The following MROH2B variants were observed in gnomAD, a reference collection of about 807,000 sequenced individuals.
MROH2B encodes the protein maestro heat-like repeat-containing protein family member 2B.
A neutral mutation model predicts 208.6 loss-of-function variants in MROH2B; 177 were observed. The observed-to-expected ratio is 0.85, with a 90% CI of 0.75 to 0.96. MROH2B has a LOEUF of 0.96. Ranked by LOEUF, MROH2B falls within the 40% of genes least tolerant of loss-of-function variation. MROH2B has a pLI of 0.00. For missense variants in MROH2B, 2,002 were observed against 1,878.7 expected (o/e 1.07, Z -1.21); for synonymous variants, 728 against 659.0 (o/e 1.10, Z -1.60).
intron 24 of MROH2B, among the ~76,000 whole-genome samples, chr5:41,020,173 A>T (rs1162862479): frequency 1.3e-5 from 2 of 152,104 alleles, no homozygotes; most frequent in African/African-American, 2.4e-5. Context: ...TCCAATTTTA[A>T]AATAATGAAT....
In MROH2B at chr5:41,038,813, G is replaced by C; in HGVS notation, c.2137C>G (p.Pro713Ala). 3 of 1,613,608 alleles carry C rather than the reference G, an allele frequency of 1.9e-6. No homozygotes were observed. The highest frequency in any genetic ancestry group is 2.5e-6 in the Non-Finnish European group (3 of 1,179,704). Residue 713 changes from proline (P) to alanine (A), a missense_variant, in exon 21 of 42, where the codon CCC (proline) becomes GCC (alanine). Coordinates refer to ENST00000399564, the MANE Select transcript of MROH2B (RefSeq NM_173489.5). The part of the protein sequence containing the change: ...VIYGAVALHA[P>A]KKQLLSRLNQ... Reference sequence around the variant, plus strand: ...AGTCTGGAGAGAAGTTGCTTCTTGGGAGCATGGAGGGCCACTGCTCCATAG... The same window carrying C: ...AGTCTGGAGAGAAGTTGCTTCTTGGCAGCATGGAGGGCCACTGCTCCATAG...
At chr5:41,006,958 C>G (rs1407455266) in intron 34 of MROH2B, among the ~76,000 whole-genome samples, 1 of 151,928 alleles carries the variant, frequency 6.6e-6, no homozygotes, top group East Asian at 1.9e-4. Flanking sequence ...AATCAAACAC[C>G]ACCTGTTCCC....
intron 37 of MROH2B, among the ~76,000 whole-genome samples, chr5:41,004,022 C>A (rs1221081895): frequency 1.3e-5 from 2 of 152,126 alleles, no homozygotes; most frequent in Non-Finnish European, 2.9e-5. Flanking sequence ...GCCAATCAAC[C>A]CTTTCTGAGG....
In MROH2B at chr5:41,064,454, A is replaced by T; in HGVS notation, c.460+18T>A. The T allele has an allele frequency of 6.2e-7, 1 of 1,606,770 alleles. No individual in the cohort carries two copies. Among genetic ancestry groups the T allele is most frequent in the Non-Finnish European group, 8.5e-7 (1 of 1,174,720 alleles). On this transcript the variant is annotated intron_variant, in intron 5 of 41. Transcript: ENST00000399564. The stretch of plus-strand genomic sequence containing the variant: ...CAGCCTGGTTTTTAAGCAAAAAGGA[A>T]ATCATCGGGATACCCACCAATACAG...
chr5:41,054,447 A>T (rs972962644), intron 11 of MROH2B, among the ~76,000 whole-genome samples: 3 of 152,208 alleles, frequency 2.0e-5, no homozygotes, highest in African/African-American at 7.2e-5. Context: ...TAATTTTTAA[A>T]CTATTTGAAG....
chr5:41,058,161 G>A lies in MROH2B; in HGVS notation c.658C>T (p.Leu220=). The change falls in exon 7 of 42, where the codon CTG becomes TTG. Residue 220 remains leucine (L), a synonymous_variant. Coordinates refer to ENST00000399564, the MANE Select transcript of MROH2B (RefSeq NM_173489.5). ...CCACGGAAGTCTTCCCGATGCAGCAGCAAGCTCACCGTGGGCCCGTGGGCC... is the reference window on the plus strand; with the variant it reads ...CCACGGAAGTCTTCCCGATGCAGCAACAAGCTCACCGTGGGCCCGTGGGCC... The part of the protein sequence containing the change: ...VKAHGPTVSL[L]LHREDFRGYA... The A allele has an allele frequency of 1.2e-6, 2 of 1,605,568 alleles. No homozygotes were observed. The highest frequency in any genetic ancestry group is 1.7e-6 in the Non-Finnish European group (2 of 1,175,746).
intron 12 of MROH2B, among the ~76,000 whole-genome samples, chr5:41,052,221 AAAAG>A (rs999030745): frequency 5.3e-5 from 8 of 151,576 alleles, no homozygotes; most frequent in Non-Finnish European, 7.4e-5. Flanking sequence ...AAAAAAAAAA[AAAAG>A]AACTGAGAAA....
At chr5:41,049,570 T>A in intron 13 of MROH2B, 134 bp from the exon 14 acceptor site, 6 of 1,050,676 alleles carry the variant, frequency 5.7e-6, no homozygotes, top group Non-Finnish European at 8.2e-6. Flanking sequence ...CAAGTCAAGA[T>A]GAGATCATTA....
At chr5:41,035,312 A>G (rs1482190140) in intron 21 of MROH2B, among the ~76,000 whole-genome samples, 1 of 152,092 alleles carries the variant, frequency 6.6e-6, no homozygotes, top group Non-Finnish European at 1.5e-5. Flanking sequence ...AAGGCTGACA[A>G]CAACAACAAA....
At chr5:41,067,081 C>A (rs1360294203) in intron 3 of MROH2B, 27 bp downstream of exon 3, 5 of 1,409,378 alleles carry the variant, frequency 3.5e-6, no homozygotes, top group Middle Eastern at 1.7e-4. Flanking sequence ...CATAAAGACC[C>A]TTTTCACCAT....
At chr5:41,069,608 A>G (rs1579966134) in intron 2 of MROH2B, 83 bp downstream of exon 2, 1 of 1,099,250 alleles carries the variant, frequency 9.1e-7, no homozygotes, top group East Asian at 2.6e-5. Flanking sequence ...AAAATGAGAA[A>G]GTTGAGACAA....
rs570982915 is a variant in MROH2B, at chr5:41,027,067, C to T, written c.2441+5675G>A. ...ATGGATTAAAGACTTAAATGCTAGA[C>T]GTAAAACCATAAAAACCCTAGAAGA... On this transcript the variant is annotated intron_variant, in intron 24 of 41. Coordinates refer to ENST00000399564, the MANE Select transcript of MROH2B (RefSeq NM_173489.5). Among the ~76,000 whole-genome samples, 50 of 152,258 alleles carry T rather than the reference C, an allele frequency of 3.3e-4. 1 individual carries two copies. Among genetic ancestry groups the T allele is most frequent in the African/African-American group, 8.2e-4 (34 of 41,540 alleles).
In MROH2B at chr5:41,046,333, T is replaced by C. The variant is rs150320621; in HGVS notation, c.1729-480A>G. ...ATGTACAGGTACATTTCTGCAAACT[T>C]CAACTCTAGTAACTAAAGATTCCTG... On this transcript the variant is annotated intron_variant, in intron 17 of 41. Coordinates refer to ENST00000399564, the MANE Select transcript of MROH2B (RefSeq NM_173489.5). 2.1e-3 allele frequency among the ~76,000 whole-genome samples: 314 copies of C among 152,186 alleles called. 2 individuals carry two copies. Among genetic ancestry groups the C allele is most frequent in the African/African-American group, 7.3e-3 (305 of 41,550 alleles).
In MROH2B at chr5:41,065,431, A is replaced by G. The variant is rs1396219544; in HGVS notation, c.261T>C (p.Asp87=). The stretch of plus-strand genomic sequence containing the variant: ...GTACTTCATACATCACAGAGTTGAA[A>G]TCATGTGCAGCAAGAGACACCAAAA... ...GEVLVSLAAH[D]FNSVMYEVQS... is the part of the protein sequence containing the mutation. The change falls in exon 4 of 42, where the codon GAT becomes GAC. Residue 87 remains aspartate (D), a synonymous_variant. Coordinates refer to ENST00000399564, the MANE Select transcript of MROH2B (RefSeq NM_173489.5). 6.2e-7 allele frequency: 1 copy of G among 1,613,466 alleles called. No homozygotes were observed. Among genetic ancestry groups the G allele is most frequent in the Non-Finnish European group, 8.5e-7 (1 of 1,179,702 alleles).
intron 7 of MROH2B, 40 bp downstream of exon 7, chr5:41,058,023 C>A (rs1316932655): frequency 1.4e-6 from 2 of 1,439,104 alleles, no homozygotes; most frequent in South Asian, 1.6e-5. Context: ...GGGTTGCATG[C>A]GGGTTCTCTG....
At chr5:41,033,011 G>T in intron 23 of MROH2B, 30 bp downstream of exon 23, 1 of 1,611,774 alleles carries the variant, frequency 6.2e-7, no homozygotes, top group Non-Finnish European at 8.5e-7. Context: ...AATACTCAGG[G>T]CCTTTCTTAT....
chr5:41,047,635 G>C, intron 17 of MROH2B, 86 bp downstream of exon 17: 1 of 1,186,564 alleles, frequency 8.4e-7, no homozygotes. Context: ...TTATCCTCAG[G>C]AATCTAGTTC....
intron 24 of MROH2B, among the ~76,000 whole-genome samples, chr5:41,022,194 T>A (rs974749348): frequency 3.3e-5 from 5 of 151,994 alleles, no homozygotes; most frequent in Non-Finnish European, 2.9e-5. Flanking sequence ...GCTTGTTGGA[T>A]GGTGGGGGCA....
At chr5:41,005,152 C>T in intron 35 of MROH2B, 1 of 555,808 alleles carries the variant, frequency 1.8e-6, no homozygotes, top group South Asian at 2.8e-5. Context: ...TAACAGATGT[C>T]TAGTCTCAAT....
Sources: allele counts gnomAD v4.1 joint callset (sites outside exome capture counted in the v4.1 genomes callset), GRCh38; gene constraint gnomAD v4.1.1; transcripts MANE v1.5; gene names NCBI Gene and HGNC (gene_info 2026-07-23, HGNC 2026-07-21).